The following DPYSL2 variants were observed in gnomAD, a reference collection of about 807,000 sequenced individuals.
The protein encoded by DPYSL2 is dihydropyrimidinase like 2.
In DPYSL2, 13 loss-of-function variants were observed where a neutral mutation model predicts 69.9. The ratio of observed to expected loss-of-function variants is 0.19; its 90% CI spans 0.12 to 0.30. DPYSL2 has a LOEUF of 0.30. Ranked by LOEUF, DPYSL2 falls within the 10% of genes least tolerant of loss-of-function variation. The pLI, the probability that DPYSL2 is intolerant of heterozygous loss-of-function variation, is 1.00. For missense variants in DPYSL2, 587 were observed against 918.9 expected (o/e 0.64, Z 4.67); for synonymous variants, 326 against 359.1 (o/e 0.91, Z 1.04).
At chr8:26,563,903 T>C (rs1454290959) in intron 1 of DPYSL2, among the ~76,000 whole-genome samples, 1 of 152,024 alleles carries the variant, frequency 6.6e-6, no homozygotes, top group Non-Finnish European at 1.5e-5. Context: ...GGAATAAAGC[T>C]TTGGAAGTTA....
Position 26,626,974 on chromosome 8 carries a change from C to T in DPYSL2, c.856-241C>T, listed in dbSNP as rs530659189. On this transcript the variant is annotated intron_variant, in intron 5 of 13. Coordinates refer to ENST00000521913, the MANE Select transcript of DPYSL2 (RefSeq NM_001197293.3). This position sits in a 1 kb window ranked among gnomAD's most constrained non-coding sequence, Gnocchi z 4.3. ...TGCAGAGCCAGGTGTCACCCAAGAGCTTCTCACTCCCGGTCCACGTCCTGC... is the reference window on the plus strand; with the variant it reads ...TGCAGAGCCAGGTGTCACCCAAGAGTTTCTCACTCCCGGTCCACGTCCTGC... Among the ~76,000 whole-genome samples the T allele has an allele frequency of 6.6e-6, 1 of 152,320 alleles. No homozygotes were observed. The highest frequency in any genetic ancestry group is 1.9e-4 in the East Asian group (1 of 5,182).
intron 1 of DPYSL2, among the ~76,000 whole-genome samples, chr8:26,567,696 G>C (rs533867818): frequency 3.3e-5 from 5 of 152,376 alleles, no homozygotes; most frequent in African/African-American, 1.2e-4. Flanking sequence ...GGGTCCAAGA[G>C]GGCCTGGGCA....
chr8:26,541,823 C>T (rs1263896050), intron 1 of DPYSL2, among the ~76,000 whole-genome samples: 1 of 152,006 alleles, frequency 6.6e-6, no homozygotes, highest in Non-Finnish European at 1.5e-5. Context: ...GATGAAAAAT[C>T]AAAGCATATT....
rs374825617 is a variant in DPYSL2, at chr8:26,653,296, C to T, written c.1841C>T (p.Thr614Met). The T allele has an allele frequency of 4.3e-6, 7 of 1,614,012 alleles. No homozygotes were observed. The highest frequency in any genetic ancestry group is 2.2e-5 in the East Asian group (1 of 44,876). ...GGACCTGTGTGTGAAGTGTCTGTGA[C>T]GCCCAAGACAGTCACTCCAGCCTCC... The part of the protein sequence containing the change: ...YDGPVCEVSV[T>M]PKTVTPASSA... Residue 614 changes from threonine to methionine, a missense_variant, in exon 13 of 14, where the codon ACG becomes ATG. By Grantham distance (81) the Thr-to-Met change is moderately conservative. This residue lies in a region of DPYSL2 where 452 missense variants were observed against 754.3 expected (regional missense o/e 0.60). Transcript: ENST00000521913. This position sits in a 1 kb window ranked among gnomAD's most constrained non-coding sequence, Gnocchi z 5.7.
intron 3 of DPYSL2, among the ~76,000 whole-genome samples, chr8:26,601,048 C>T (rs1314405586): frequency 1.3e-5 from 2 of 152,336 alleles, no homozygotes; most frequent in Admixed American, 1.3e-4. Context: ...TGGACCATCT[C>T]CAGGGCCAGT....
rs35314544 is a variant in DPYSL2, at chr8:26,656,174, CT to C, written c.*486del. 0.15 allele frequency: 18,755 copies of C among 128,316 alleles called. 2,476 individuals are homozygous for C. Among genetic ancestry groups the C allele is most frequent in the African/African-American group, 0.36 (13,070 of 35,838 alleles). 7.9% of individuals were successfully genotyped at this position (128,316 alleles called of 1,614,324 possible). A position where few individuals can be genotyped will look rare whatever the true frequency, so the allele number is the denominator to read the frequency against. ...GGGAGGGGCCGGGGTCAGGGAGAGT[CT>C]TTTTTTTTTTTTTTTTTAAATACTA... On this transcript the variant is annotated 3_prime_UTR_variant, in exon 14 of 14. Coordinates refer to ENST00000521913, the MANE Select transcript of DPYSL2 (RefSeq NM_001197293.3).
chr8:26,613,848 C>T (rs573711264), intron 3 of DPYSL2, among the ~76,000 whole-genome samples: 36 of 152,154 alleles, frequency 2.4e-4, no homozygotes, highest in African/African-American at 7.7e-4. Context: ...AATATGAGGG[C>T]GGGTGGGGCA....
chr8:26,592,468 T>TG (rs1563400524), intron 3 of DPYSL2, among the ~76,000 whole-genome samples: 15 of 88,534 alleles, frequency 1.7e-4, no homozygotes, highest in Non-Finnish European at 4.0e-4. Flanking sequence ...ATTAGTTTTT[T>TG]TTTTTTTGTT....
chr8:26,621,876 A>C lies in DPYSL2; in HGVS notation c.629-2267A>C, dbSNP rs1219043804. ...TGACTGGCCAAGAGAAAGAGTTTGA[A>C]TTGGACTCTAAGGATGGTAGACAGC... On this transcript the variant is annotated intron_variant, in intron 3 of 13. Coordinates refer to ENST00000521913, the MANE Select transcript of DPYSL2 (RefSeq NM_001197293.3). This position sits in a 1 kb window ranked among gnomAD's most constrained non-coding sequence, Gnocchi z 4.9. Among the ~76,000 whole-genome samples the C allele has an allele frequency of 2.6e-5, 4 of 152,216 alleles. No individual in the cohort carries two copies. The East Asian group carries it at 5.8e-4, about 22-fold the overall frequency.
At position 26,582,204 on chromosome 8, in the gene DPYSL2, G is replaced by A; in HGVS notation, c.443+147G>A. On this transcript the variant is annotated intron_variant, in intron 2 of 13. Transcript: ENST00000521913. The surrounding 1 kb of genome is among the most constrained non-coding windows in gnomAD (Gnocchi z 4.1). ...CTGTTTTAAACTGGTTTTGATTGGTGGTAATTAGTGAATTTGAAAACTCAA... is the reference window on the plus strand; with the variant it reads ...CTGTTTTAAACTGGTTTTGATTGGTAGTAATTAGTGAATTTGAAAACTCAA... 1.7e-6 allele frequency: 1 copy of A among 602,536 alleles called. No individual in the cohort carries two copies. The highest frequency in any genetic ancestry group is 2.8e-6 in the Non-Finnish European group (1 of 353,984). 37.3% of individuals were successfully genotyped at this position (602,536 alleles called of 1,614,324 possible).
chr8:26,598,112 G>A lies in DPYSL2; in HGVS notation c.628+14129G>A, dbSNP rs576732443. On this transcript the variant is annotated intron_variant, in intron 3 of 13. Transcript: ENST00000521913. This position sits in a 1 kb window ranked among gnomAD's most constrained non-coding sequence, Gnocchi z 4.2. Reference sequence around the variant, plus strand: ...AGGATCCAGGGAGGTGGTGGCTATGGCAGGGCTTGGACAAATTACATGTAT... The same window carrying A: ...AGGATCCAGGGAGGTGGTGGCTATGACAGGGCTTGGACAAATTACATGTAT... Among the ~76,000 whole-genome samples, 1 of 152,264 alleles carries A rather than the reference G, an allele frequency of 6.6e-6. No individual in the cohort carries two copies. Among genetic ancestry groups the A allele is most frequent in the South Asian group, 2.1e-4 (1 of 4,822 alleles).
At chr8:26,522,557 G>C (rs2117601458) in intron 1 of DPYSL2, among the ~76,000 whole-genome samples, 1 of 152,254 alleles carries the variant, frequency 6.6e-6, no homozygotes, top group South Asian at 2.1e-4. Context: ...GGTGGGAATT[G>C]GTATCTCATT....
rs952661292 is a variant in DPYSL2 at position 26,653,078 on chromosome 8, G to A, written c.1777-154G>A. On this transcript the variant is annotated intron_variant, in intron 12 of 13. Coordinates refer to ENST00000521913, the MANE Select transcript of DPYSL2 (RefSeq NM_001197293.3). This position sits in a 1 kb window ranked among gnomAD's most constrained non-coding sequence, Gnocchi z 5.7. Reference sequence around the variant, plus strand: ...TTGTGGGGAGTTTTGGCCTGGCATGGTGGGAGCTGGCCCCACACAACACCT... The same window carrying A: ...TTGTGGGGAGTTTTGGCCTGGCATGATGGGAGCTGGCCCCACACAACACCT... Among the ~76,000 whole-genome samples the A allele has an allele frequency of 7.9e-5, 12 of 152,278 alleles. No homozygotes were observed. The highest frequency in any genetic ancestry group is 2.9e-4 in the African/African-American group (12 of 41,558).
intron 1 of DPYSL2, among the ~76,000 whole-genome samples, chr8:26,521,625 C>A (rs968070407): frequency 2.6e-5 from 4 of 152,268 alleles, no homozygotes; most frequent in South Asian, 2.1e-4. Flanking sequence ...ATTTTCATCA[C>A]CCCTCCAAAA....
At chr8:26,603,586 G>A (rs1802043059) in intron 3 of DPYSL2, among the ~76,000 whole-genome samples, 1 of 152,172 alleles carries the variant, frequency 6.6e-6, no homozygotes, top group Admixed American at 6.5e-5. Flanking sequence ...AGTCATCACC[G>A]TGGTCCACTT....
intron 3 of DPYSL2, among the ~76,000 whole-genome samples, chr8:26,611,366 C>T (rs899183566): frequency 3.3e-5 from 5 of 152,146 alleles, no homozygotes. Flanking sequence ...TTGAGGCCCC[C>T]TTGTCTGAGC....
intron 1 of DPYSL2, among the ~76,000 whole-genome samples, chr8:26,538,522 A>G (rs1049532721): frequency 3.9e-5 from 6 of 152,210 alleles, no homozygotes; most frequent in African/African-American, 1.4e-4. Flanking sequence ...ACTGCCAAGG[A>G]ACACTAACAG....
Position 26,571,291 on chromosome 8 carries a change from G to A in DPYSL2, c.355-10678G>A, listed in dbSNP as rs1023331428. 6.6e-6 allele frequency among the ~76,000 whole-genome samples: 1 copy of A among 152,148 alleles called. No homozygotes were observed. The highest frequency in any genetic ancestry group is 1.5e-5 in the Non-Finnish European group (1 of 68,016). ...TTCTGTTCAGGATGTCTGAGCTGGGGCCCAGGGTGATTCTGATGGAGGGGA... is the reference window on the plus strand; with the variant it reads ...TTCTGTTCAGGATGTCTGAGCTGGGACCCAGGGTGATTCTGATGGAGGGGA... On this transcript the variant is annotated intron_variant, in intron 1 of 13. Coordinates refer to ENST00000521913, the MANE Select transcript of DPYSL2 (RefSeq NM_001197293.3). The surrounding 1 kb of genome is among the most constrained non-coding windows in gnomAD (Gnocchi z 6.1).
chr8:26,544,866 A>G (rs919367962), intron 1 of DPYSL2, among the ~76,000 whole-genome samples: 5 of 152,234 alleles, frequency 3.3e-5, no homozygotes, highest in African/African-American at 7.2e-5. Context: ...CTATACTTAT[A>G]TCAGACAAAA....
Sources: allele counts gnomAD v4.1 joint callset (sites outside exome capture counted in the v4.1 genomes callset), GRCh38; gene constraint gnomAD v4.1.1; regional missense constraint gnomAD v4.1.1; non-coding constraint Gnocchi (gnomAD v3.1); transcripts MANE v1.5; gene names NCBI Gene and HGNC (gene_info 2026-07-23, HGNC 2026-07-21).